NAGS: variants seen among roughly 807,000 people sequenced by gnomAD.
NAGS encodes N-acetylglutamate synthase, mitochondrial.
Under a neutral mutation model 46.9 loss-of-function variants are expected in NAGS, and 34 were observed. The ratio of observed to expected loss-of-function variants is 0.72; its 90% CI spans 0.55 to 0.97. NAGS has a LOEUF of 0.97. Ranked by LOEUF, NAGS falls within the 50% of genes least tolerant of loss-of-function variation. NAGS has a pLI of 0.00. For synonymous variants in NAGS, 334 were observed against 346.3 expected (o/e 0.96, Z 0.39); for missense variants, 665 against 747.0 (o/e 0.89, Z 1.28).
chr17:44,008,804 C>A lies in NAGS; in HGVS notation c.*203C>A. ...AGGAAAGAAGGGGACCAGTCTAGGA[C>A]CCCAACTCGACTCACTCTAAAGCTA... On this transcript the variant is annotated 3_prime_UTR_variant, in exon 7 of 7. Coordinates refer to ENST00000293404, the MANE Select transcript of NAGS (RefSeq NM_153006.3). The A allele has an allele frequency of 1.5e-6, 1 of 676,414 alleles. No homozygotes were observed. The highest frequency in any genetic ancestry group is 1.7e-5 in the South Asian group (1 of 57,698). The allele number at this position is 676,414 out of a possible 1,614,324, so 41.9% of individuals were successfully genotyped here.
At position 44,005,985 on chromosome 17, in the gene NAGS, C is replaced by T. The variant is rs772443710; in HGVS notation, c.702-39C>T. On this transcript the variant is annotated intron_variant, in intron 2 of 6. Transcript: ENST00000293404. The surrounding 1 kb of genome is among the most constrained non-coding windows in gnomAD (Gnocchi z 7.2). ...GCCCGCCCTGCCCCGTCCGGCAGGCCTGGAGGGGGCCCTCTCGAGCACCAC... is the reference window on the plus strand; with the variant it reads ...GCCCGCCCTGCCCCGTCCGGCAGGCTTGGAGGGGGCCCTCTCGAGCACCAC... 7 of 1,566,722 alleles carry T rather than the reference C, an allele frequency of 4.5e-6. No homozygotes were observed. Among genetic ancestry groups the T allele is most frequent in the Non-Finnish European group, 6.0e-6 (7 of 1,159,552 alleles).
rs61077744 is a variant in NAGS, at chr17:44,006,958, GC to G, written c.1096+255del. 60,264 of 355,840 alleles carry G rather than the reference GC, an allele frequency of 0.17. 9,063 individuals carry two copies. The highest frequency in any genetic ancestry group is 0.71 in the East Asian group (12,094 of 17,120). The allele number at this position is 355,840 out of a possible 1,614,324, so 22.0% of individuals were successfully genotyped here. A position where few individuals can be genotyped will look rare whatever the true frequency, so the allele number is the denominator to read the frequency against. The stretch of plus-strand genomic sequence containing the variant: ...GCGGGACTAGGGGGGAGAAGGAGGG[GC>G]CCCCCGGTGGGCGGGGCCAGGGGCG... On this transcript the variant is annotated intron_variant, in intron 4 of 6. Transcript: ENST00000293404. The surrounding 1 kb of genome is among the most constrained non-coding windows in gnomAD (Gnocchi z 4.8).
rs986684848 is a variant in NAGS, at chr17:44,004,966, G to T, written c.303G>T (p.Leu101=). 5 of 1,539,900 alleles carry T rather than the reference G, an allele frequency of 3.2e-6. No individual in the cohort carries two copies. In the African/African-American group the frequency reaches 6.8e-5, roughly 21 times the overall value. Reference sequence around the variant, plus strand: ...CAGAGCCTCCTTCGGGCCGCTCGCTGGTGCAGCGGGACATCCAGGCCTTCC... The same window carrying T: ...CAGAGCCTCCTTCGGGCCGCTCGCTTGTGCAGCGGGACATCCAGGCCTTCC... ...ESPEPPSGRS[L]VQRDIQAFLN... Residue 101 remains leucine, a synonymous_variant, in exon 1 of 7, where the codon CTG becomes CTT. Coordinates refer to ENST00000293404, the MANE Select transcript of NAGS (RefSeq NM_153006.3).
chr17:44,006,790 G>A lies in NAGS; in HGVS notation c.1096+81G>A. The A allele has an allele frequency of 7.1e-7, 1 of 1,417,038 alleles. No individual in the cohort carries two copies. The highest frequency in any genetic ancestry group is 9.5e-7 in the Non-Finnish European group (1 of 1,049,680). The allele number at this position is 1,417,038 out of a possible 1,614,324, so 87.8% of individuals were successfully genotyped here. A position where few individuals can be genotyped will look rare whatever the true frequency, so the allele number is the denominator to read the frequency against. On this transcript the variant is annotated intron_variant, in intron 4 of 6. Coordinates refer to ENST00000293404, the MANE Select transcript of NAGS (RefSeq NM_153006.3). This position sits in a 1 kb window ranked among gnomAD's most constrained non-coding sequence, Gnocchi z 4.8. ...CTGGGTGTCTGCGGTCAGGAGGAGC[G>A]GCTTCTCCTCCTGTCCAGGAGCCGT...
rs1307449034 is a variant in NAGS, at chr17:44,007,253, T to C, written c.1097-70T>C. ...GAAATTGTCCCACCAGCGCCTGTCCTACCTGCAGTCCCCACCAGGCTGCGC... is the reference window on the plus strand; with the variant it reads ...GAAATTGTCCCACCAGCGCCTGTCCCACCTGCAGTCCCCACCAGGCTGCGC... On this transcript the variant is annotated intron_variant, in intron 4 of 6. Coordinates refer to ENST00000293404, the MANE Select transcript of NAGS (RefSeq NM_153006.3). The surrounding 1 kb of genome is among the most constrained non-coding windows in gnomAD (Gnocchi z 5.1). 1 of 1,499,766 alleles carries C rather than the reference T, an allele frequency of 6.7e-7. No individual in the cohort carries two copies. The highest frequency in any genetic ancestry group is 1.4e-5 in the African/African-American group (1 of 71,950). 92.9% of individuals were successfully genotyped at this position (1,499,766 alleles called of 1,614,324 possible).
At position 44,007,794 on chromosome 17, in the gene NAGS, C is replaced by T. The variant is rs774251990; in HGVS notation, c.1451+21C>T. 7.0e-6 allele frequency: 11 copies of T among 1,569,948 alleles called. No individual in the cohort carries two copies. ...CCCTGGTAGGTCCTGCCACTCCCAG[C>T]TCTGGGCTGGGCCCTGACTTCCCTC... On this transcript the variant is annotated intron_variant, in intron 6 of 6. Transcript: ENST00000293404. The surrounding 1 kb of genome is among the most constrained non-coding windows in gnomAD (Gnocchi z 5.1).
Position 44,007,336 on chromosome 17 carries a change from G to A in NAGS, c.1110G>A (p.Leu370=). Residue 370 remains leucine, a synonymous_variant, in exon 5 of 7, where the codon CTG becomes CTA. Transcript: ENST00000293404. This position sits in a 1 kb window ranked among gnomAD's most constrained non-coding sequence, Gnocchi z 5.1. The part of the protein sequence containing the change: ...ELFSNKGSGT[L]FKNAERMLRV... ...ATCCTCCTCCAGGGTCCGGGACCCT[G>A]TTCAAGAACGCCGAGCGAATGCTAC... 1 of 1,613,722 alleles carries A rather than the reference G, an allele frequency of 6.2e-7. No homozygotes were observed. Among genetic ancestry groups the A allele is most frequent in the African/African-American group, 1.3e-5 (1 of 75,022 alleles).
rs2049104328 is a variant in NAGS, at chr17:44,007,122, T to C, written c.1097-201T>C. 1.6e-6 allele frequency: 1 copy of C among 620,648 alleles called. No homozygotes were observed. Among genetic ancestry groups the C allele is most frequent in the South Asian group, 2.0e-5 (1 of 50,130 alleles). The allele number at this position is 620,648 out of a possible 1,614,324, so 38.4% of individuals were successfully genotyped here. A position where few individuals can be genotyped will look rare whatever the true frequency, so the allele number is the denominator to read the frequency against. On this transcript the variant is annotated intron_variant, in intron 4 of 6. Transcript: ENST00000293404. This position sits in a 1 kb window ranked among gnomAD's most constrained non-coding sequence, Gnocchi z 5.1. Reference sequence around the variant, plus strand: ...TGGGGCTCCAGGCGACAGGAGGAACTTGGGGCACAATCTCTGCCTGGGGAA... The same window carrying C: ...TGGGGCTCCAGGCGACAGGAGGAACCTGGGGCACAATCTCTGCCTGGGGAA...
Position 44,004,688 on chromosome 17 carries a change from G to T in NAGS, c.25G>T (p.Val9Phe). ...CATGGCGACGGCGCTGATGGCTGTG[G>T]TTCTGCGGGCAGCTGCTGTAGCCCC... MATALMAVVLRAAAVAPRL... is the reference protein window; with the variant it reads MATALMAVFLRAAAVAPRL... The change falls in exon 1 of 7, where the codon GTT becomes TTT. Residue 9 changes from valine to phenylalanine, a missense_variant. Coordinates refer to ENST00000293404, the MANE Select transcript of NAGS (RefSeq NM_153006.3). The T allele has an allele frequency of 6.5e-7, 1 of 1,533,862 alleles. No individual in the cohort carries two copies. Among genetic ancestry groups the T allele is most frequent in the Non-Finnish European group, 8.8e-7 (1 of 1,138,718 alleles).
rs896680296 is a variant in NAGS at position 44,008,791 on chromosome 17, G to A, written c.*190G>A. ...GTGGGACAAGCACAGGAAAGAAGGG[G>A]ACCAGTCTAGGACCCCAACTCGACT... On this transcript the variant is annotated 3_prime_UTR_variant, in exon 7 of 7. Coordinates refer to ENST00000293404, the MANE Select transcript of NAGS (RefSeq NM_153006.3). The A allele has an allele frequency of 2.4e-5, 18 of 747,142 alleles. No individual in the cohort carries two copies. Among genetic ancestry groups the A allele is most frequent in the Non-Finnish European group, 3.8e-5 (17 of 442,346 alleles). The allele number at this position is 747,142 out of a possible 1,614,324, so 46.3% of individuals were successfully genotyped here.
Position 44,007,591 on chromosome 17 carries a change from G to T in NAGS, c.1269G>T (p.Gly423=), listed in dbSNP as rs969457898. Reference sequence around the variant, plus strand: ...GCCTGCCGCTCTCCCGCTGCGCCAGGTACAACGCCGCCGCCATTCTGACCA... The same window carrying T: ...GCCTGCCGCTCTCCCGCTGCGCCAGTTACAACGCCGCCGCCATTCTGACCA... ...PRLHSIYVSE[G]YNAAAILTME... is the part of the protein sequence containing the mutation. Residue 423 remains glycine, a splice_region_variant and synonymous_variant, in exon 6 of 7, where the codon GGG becomes GGT. Transcript: ENST00000293404. This position sits in a 1 kb window ranked among gnomAD's most constrained non-coding sequence, Gnocchi z 5.1. 6.2e-7 allele frequency: 1 copy of T among 1,609,594 alleles called. No homozygotes were observed. Among genetic ancestry groups the T allele is most frequent in the Non-Finnish European group, 8.5e-7 (1 of 1,178,330 alleles).
rs1597866228 is a variant in NAGS, at chr17:44,007,411, C to T, written c.1185C>T (p.Val395=). 3.1e-6 allele frequency: 5 copies of T among 1,613,876 alleles called. No individual in the cohort carries two copies. Among genetic ancestry groups the T allele is most frequent in the Non-Finnish European group, 4.2e-6 (5 of 1,180,006 alleles). The change falls in exon 5 of 7, where the codon GTC becomes GTT. Residue 395 remains valine (V), a synonymous_variant. Transcript: ENST00000293404. This position sits in a 1 kb window ranked among gnomAD's most constrained non-coding sequence, Gnocchi z 5.1. ...KLDQGRLVDL[V]NASFGKKLRD... is the part of the protein sequence containing the mutation. ...ACCAGGGCCGTCTAGTGGACCTGGTCAACGCCAGCTTCGGCAAGAAGCTCA... is the reference window on the plus strand; with the variant it reads ...ACCAGGGCCGTCTAGTGGACCTGGTTAACGCCAGCTTCGGCAAGAAGCTCA...
rs2143979742 is a variant in NAGS, at chr17:44,004,969, G to A, written c.306G>A (p.Val102=). The part of the protein sequence containing the change: ...SPEPPSGRSL[V]QRDIQAFLNQ... Reference sequence around the variant, plus strand: ...AGCCTCCTTCGGGCCGCTCGCTGGTGCAGCGGGACATCCAGGCCTTCCTGA... The same window carrying A: ...AGCCTCCTTCGGGCCGCTCGCTGGTACAGCGGGACATCCAGGCCTTCCTGA... The change falls in exon 1 of 7, where the codon GTG becomes GTA. Residue 102 remains valine, a synonymous_variant. Coordinates refer to ENST00000293404, the MANE Select transcript of NAGS (RefSeq NM_153006.3). 3.2e-6 allele frequency: 5 copies of A among 1,540,488 alleles called. No individual in the cohort carries two copies. The highest frequency in any genetic ancestry group is 1.2e-5 in the South Asian group (1 of 84,274).
chr17:44,007,084 T>C lies in NAGS; in HGVS notation c.1097-239T>C, dbSNP rs1228175065. On this transcript the variant is annotated intron_variant, in intron 4 of 6. Coordinates refer to ENST00000293404, the MANE Select transcript of NAGS (RefSeq NM_153006.3). This position sits in a 1 kb window ranked among gnomAD's most constrained non-coding sequence, Gnocchi z 5.1. ...CAGACTTCAAGGAGCGAGGCAAGAC[T>C]AACGGAAGTGGGTGGGGCTCCAGGC... The C allele has an allele frequency of 3.4e-6, 2 of 592,868 alleles. No individual in the cohort carries two copies. The highest frequency in any genetic ancestry group is 1.9e-5 in the African/African-American group (1 of 53,646). 36.7% of individuals were successfully genotyped at this position (592,868 alleles called of 1,614,324 possible).
Position 44,007,109 on chromosome 17 carries a change from C to A in NAGS, c.1097-214C>A. ...TAACGGAAGTGGGTGGGGCTCCAGGCGACAGGAGGAACTTGGGGCACAATC... is the reference window on the plus strand; with the variant it reads ...TAACGGAAGTGGGTGGGGCTCCAGGAGACAGGAGGAACTTGGGGCACAATC... On this transcript the variant is annotated intron_variant, in intron 4 of 6. Transcript: ENST00000293404. This position sits in a 1 kb window ranked among gnomAD's most constrained non-coding sequence, Gnocchi z 5.1. The A allele has an allele frequency of 1.6e-6, 1 of 607,882 alleles. No homozygotes were observed. The highest frequency in any genetic ancestry group is 2.0e-5 in the South Asian group (1 of 49,676). 37.7% of individuals were successfully genotyped at this position (607,882 alleles called of 1,614,324 possible). A position where few individuals can be genotyped will look rare whatever the true frequency, so the allele number is the denominator to read the frequency against.
rs984258902 is a variant in NAGS at position 44,007,691 on chromosome 17, G to A, written c.1369G>A (p.Gly457Ser). 2 of 1,604,950 alleles carry A rather than the reference G, an allele frequency of 1.2e-6. No individual in the cohort carries two copies. ...CTCCAGCCGCCAGGGCCAAGGCTCC[G>A]GCCAGATGCTGTGGGAGTGCCTGCG... ...VSSSRQGQGS[G>S]QMLWECLRRD... Residue 457 changes from glycine to serine, a missense_variant, in exon 6 of 7, where the codon GGC becomes AGC. Gly to Ser is a moderately conservative substitution (Grantham distance 56). Coordinates refer to ENST00000293404, the MANE Select transcript of NAGS (RefSeq NM_153006.3). The surrounding 1 kb of genome is among the most constrained non-coding windows in gnomAD (Gnocchi z 5.1).
In NAGS at chr17:44,005,954, T is replaced by C; in HGVS notation, c.701+43T>C. ...CCGCCCAGGCGTCCTCAGAGCGTGC[T>C]ACTCTGCCCGCCCTGCCCCGTCCGG... is the stretch of plus-strand genomic sequence containing the variant. On this transcript the variant is annotated intron_variant, in intron 2 of 6. Transcript: ENST00000293404. The surrounding 1 kb of genome is among the most constrained non-coding windows in gnomAD (Gnocchi z 7.2). The C allele has an allele frequency of 6.4e-7, 1 of 1,551,192 alleles. No individual in the cohort carries two copies.
rs978249733 is a variant in NAGS at position 44,006,875 on chromosome 17, T to C, written c.1096+166T>C. On this transcript the variant is annotated intron_variant, in intron 4 of 6. Coordinates refer to ENST00000293404, the MANE Select transcript of NAGS (RefSeq NM_153006.3). This position sits in a 1 kb window ranked among gnomAD's most constrained non-coding sequence, Gnocchi z 4.8. ...TGCTGCTGCCGAAACCCGGGGGAGGTGAGAGAGGAGGAGACCCAGTGTACT... is the reference window on the plus strand; with the variant it reads ...TGCTGCTGCCGAAACCCGGGGGAGGCGAGAGAGGAGGAGACCCAGTGTACT... The C allele has an allele frequency of 3.2e-6, 2 of 628,650 alleles. No individual in the cohort carries two copies. Among genetic ancestry groups the C allele is most frequent in the Non-Finnish European group, 5.1e-6 (2 of 395,742 alleles). The allele number at this position is 628,650 out of a possible 1,614,324, so 38.9% of individuals were successfully genotyped here. A position where few individuals can be genotyped will look rare whatever the true frequency, so the allele number is the denominator to read the frequency against.
Position 44,004,859 on chromosome 17 carries a change from GCGGACGA to G in NAGS, c.199_205del (p.Asp67SerfsTer42). The G allele has an allele frequency of 6.5e-7, 1 of 1,529,136 alleles. No homozygotes were observed. Among genetic ancestry groups the G allele is most frequent in the Non-Finnish European group, 8.7e-7 (1 of 1,144,232 alleles). 94.7% of individuals were successfully genotyped at this position (1,529,136 alleles called of 1,614,324 possible). A position where few individuals can be genotyped will look rare whatever the true frequency, so the allele number is the denominator to read the frequency against. On this transcript the variant is annotated frameshift_variant, in exon 1 of 7. Transcript: ENST00000293404. LOFTEE classifies it high-confidence loss of function. ...GCCCCCGCCCGAGGAGTACGCGGGC[GCGGACGA>G]CGTCTCCCAGTCGCCCGTCGCCGAG...
Sources: allele counts gnomAD v4.1 joint callset, GRCh38; gene constraint gnomAD v4.1.1; non-coding constraint Gnocchi (gnomAD v3.1); transcripts MANE v1.5; gene names NCBI Gene and HGNC (gene_info 2026-07-23, HGNC 2026-07-21).